The following CEP170 variants were observed in gnomAD, a reference collection of about 807,000 sequenced individuals.
CEP170 encodes centrosomal protein 170, also known as centrosomal protein of 170 kDa.
A neutral mutation model predicts 151.9 loss-of-function variants in CEP170; 21 were observed. That is an observed-to-expected ratio of 0.14 (90% CI 0.10 to 0.20). CEP170 has a LOEUF of 0.20. Among genes scored for constraint, CEP170 ranks in the 10% least tolerant of loss-of-function variants. The pLI is 1.00. For missense variants in CEP170, 964 were observed against 1,892.9 expected, an observed-to-expected ratio of 0.51 and a Z score of 9.11; for synonymous variants, 356 against 648.8, an observed-to-expected ratio of 0.55 and a Z score of 6.86.
rs1558474619 is a variant in CEP170 at position 243,165,521 on chromosome 1, C to A, written c.2439G>T (p.Glu813Asp). The A allele has an allele frequency of 6.2e-7, 1 of 1,611,116 alleles. No individual in the cohort carries two copies. Among genetic ancestry groups the A allele is most frequent in the Non-Finnish European group, 8.5e-7 (1 of 1,178,760 alleles). Residue 813 changes from glutamate (E) to aspartate (D), a missense_variant, in exon 13 of 20, where the codon GAG becomes GAT. Transcript: ENST00000366542. Reference sequence around the variant, plus strand: ...TTGGAGTCTGACTTTTCAGAATTTCCTCAGCTTTTCTTCTCTTGCTCTCAC... The same window carrying A: ...TTGGAGTCTGACTTTTCAGAATTTCATCAGCTTTTCTTCTCTTGCTCTCAC... ...AQSESKRRKAEEILKSQTPKG... is the reference protein window; with the variant it reads ...AQSESKRRKADEILKSQTPKG...
rs1181869459 is a variant in CEP170 at position 243,126,178 on chromosome 1, C to A, written c.*271G>T. The A allele has an allele frequency of 5.6e-6, 3 of 535,792 alleles. No individual in the cohort carries two copies. The Admixed American group carries it at 6.7e-5, about 12-fold the overall frequency. The allele number at this position is 535,792 out of a possible 1,614,324, so 33.2% of individuals were successfully genotyped here. On this transcript the variant is annotated 3_prime_UTR_variant, in exon 20 of 20. Transcript: ENST00000366542. ...GATCTATGAAGGGAAAGGGTGTAATCATTAAATTCAATTTGAAAATCATAA... is the reference window on the plus strand; with the variant it reads ...GATCTATGAAGGGAAAGGGTGTAATAATTAAATTCAATTTGAAAATCATAA...
At chr1:243,127,287 A>G (rs2053814261) in intron 19 of CEP170, among the ~76,000 whole-genome samples, 1 of 152,198 alleles carries the variant, frequency 6.6e-6, no homozygotes, top group Non-Finnish European at 1.5e-5. Flanking sequence ...CTACAGACTA[A>G]TATCACAGGG....
At chr1:243,166,211 A>C in intron 12 of CEP170, 95 bp from the exon 13 acceptor site, 1 of 1,485,630 alleles carries the variant, frequency 6.7e-7, no homozygotes, top group Non-Finnish European at 9.0e-7. Context: ...ATCCATGAAG[A>C]CTGGTTCCAG....
intron 13 of CEP170, among the ~76,000 whole-genome samples, chr1:243,163,799 T>C (rs1030869612): frequency 7.2e-5 from 11 of 152,202 alleles, no homozygotes; most frequent in African/African-American, 2.7e-4. Flanking sequence ...AAAGAAAACA[T>C]TGATTATTTC....
chr1:243,241,874 G>C (rs1009712181), intron 1 of CEP170, among the ~76,000 whole-genome samples: 3 of 151,688 alleles, frequency 2.0e-5, no homozygotes, highest in African/African-American at 7.3e-5. Context: ...CAATACAGGA[G>C]GGTAGGGGGA....
At chr1:243,231,215 ATTAT>A (rs2063733726) in intron 1 of CEP170, among the ~76,000 whole-genome samples, 1 of 150,946 alleles carries the variant, frequency 6.6e-6, no homozygotes, top group Non-Finnish European at 1.5e-5. Context: ...TATCATCATT[ATTAT>A]TTTTTTTAAG....
chr1:243,164,655 A>G lies in CEP170; in HGVS notation c.3305T>C (p.Leu1102Pro). Residue 1102 changes from leucine to proline, a missense_variant, in exon 13 of 20, where the codon CTC becomes CCC. Coordinates refer to ENST00000366542, the MANE Select transcript of CEP170 (RefSeq NM_014812.3). ...TTCACCAAGTCGTGCTCTGCGCAAG[A>G]GGGAAGTCCTGGTAGGTCGTGGCCT... ...LPRPRPTRTS[L>P]LRRARLGEAS... 6.2e-7 allele frequency: 1 copy of G among 1,613,830 alleles called. No individual in the cohort carries two copies. Among genetic ancestry groups the G allele is most frequent in the Non-Finnish European group, 8.5e-7 (1 of 1,179,734 alleles).
rs560800670 is a variant in CEP170, at chr1:243,217,961, C to T, written c.195+3763G>A. 2.7e-4 allele frequency among the ~76,000 whole-genome samples: 41 copies of T among 152,290 alleles called. No homozygotes were observed. In the South Asian group the frequency reaches 7.3e-3, roughly 27 times the overall value. The stretch of plus-strand genomic sequence containing the variant: ...TAGGTGCCCAAGCTAAACCAGCTCC[C>T]GAAATTCCTCCATTCAAACCACTAA... On this transcript the variant is annotated intron_variant, in intron 3 of 19. Transcript: ENST00000366542.
chr1:243,130,635 C>CA (rs1365540913), intron 17 of CEP170, among the ~76,000 whole-genome samples: 3 of 151,990 alleles, frequency 2.0e-5, no homozygotes, highest in Non-Finnish European at 2.9e-5. Context: ...TATATAACCT[C>CA]ATGTAAATGT....
chr1:243,234,684 A>G (rs375088575), intron 1 of CEP170, among the ~76,000 whole-genome samples: 1 of 152,242 alleles, frequency 6.6e-6, no homozygotes, highest in Non-Finnish European at 1.5e-5. Flanking sequence ...AGTCCCTAAC[A>G]GAAAATATAT....
At chr1:243,137,239 A>C (rs1558382397) in intron 16 of CEP170, among the ~76,000 whole-genome samples, 1 of 152,260 alleles carries the variant, frequency 6.6e-6, no homozygotes, top group African/African-American at 2.4e-5. Flanking sequence ...CTAACGAAGC[A>C]TGGTAGAAAA....
chr1:243,221,874 T>A, intron 2 of CEP170, 61 bp from the exon 3 acceptor site: 2 of 1,468,298 alleles, frequency 1.4e-6, no homozygotes, highest in Non-Finnish European at 1.8e-6. Flanking sequence ...ACCAGTCACA[T>A]TTTGGCTAGA....
intron 11 of CEP170, among the ~76,000 whole-genome samples, chr1:243,170,324 G>A (rs539063176): frequency 6.6e-5 from 10 of 152,242 alleles, no homozygotes; most frequent in Admixed American, 2.0e-4. Context: ...GGTGGAGGTT[G>A]CAGTGAGCTG....
At chr1:243,135,028 A>G (rs537334296) in intron 17 of CEP170, among the ~76,000 whole-genome samples, 2 of 152,214 alleles carry the variant, frequency 1.3e-5, no homozygotes, top group Admixed American at 6.5e-5. Context: ...TGGAATATTC[A>G]TATTTTTTAA....
chr1:243,161,002 T>C (rs543765111), intron 13 of CEP170, among the ~76,000 whole-genome samples: 1 of 151,438 alleles, frequency 6.6e-6, no homozygotes, highest in Non-Finnish European at 1.5e-5. Flanking sequence ...TAAATCTGGA[T>C]ATTTCAGTTA....
intron 1 of CEP170, among the ~76,000 whole-genome samples, chr1:243,233,558 C>T (rs913319349): frequency 1.3e-5 from 2 of 151,540 alleles, no homozygotes; most frequent in Non-Finnish European, 2.9e-5. Flanking sequence ...ATGGTGAAAC[C>T]CTGTCTCTAT....
At chr1:243,232,443 C>T (rs1169148433) in intron 1 of CEP170, among the ~76,000 whole-genome samples, 1 of 152,162 alleles carries the variant, frequency 6.6e-6, no homozygotes, top group Non-Finnish European at 1.5e-5. Flanking sequence ...CCCATTCCCC[C>T]AGGGCAGAGT....
chr1:243,221,457 G>T, intron 3 of CEP170: 1 of 403,758 alleles, frequency 2.5e-6, no homozygotes, highest in Non-Finnish European at 4.4e-6. Flanking sequence ...GTCAAGCTTA[G>T]GTTCCAACTC....
rs532043737 is a variant in CEP170 at position 243,172,781 on chromosome 1, T to C, written c.1632A>G (p.Leu544=). The change falls in exon 11 of 20, where the codon CTA becomes CTG. Residue 544 remains leucine (L), a synonymous_variant. Transcript: ENST00000366542. ...CAGAACTGAGAGCCCAATCTTTTAT[T>C]AGATCTTTATGTTTTTCGTTGATAA... ...RPVINEKHKD[L]IKDWALSSAA... is the part of the protein sequence containing the mutation. The C allele has an allele frequency of 1.9e-6, 3 of 1,575,210 alleles. No individual in the cohort carries two copies. The highest frequency in any genetic ancestry group is 1.9e-5 in the Admixed American group (1 of 54,048).
Sources: allele counts gnomAD v4.1 joint callset (sites outside exome capture counted in the v4.1 genomes callset), GRCh38; gene constraint gnomAD v4.1.1; transcripts MANE v1.5; gene names NCBI Gene and HGNC (gene_info 2026-07-23, HGNC 2026-07-21).